Variants in FRRS1 observed in about 807,000 individuals in gnomAD.
The protein encoded by FRRS1 is ferric chelate reductase 1.
In FRRS1, 51 loss-of-function variants were observed where a neutral mutation model predicts 70.7. The ratio of observed to expected loss-of-function variants is 0.72; its 90% CI spans 0.58 to 0.91. The LOEUF (loss-of-function observed/expected upper bound fraction) is 0.91. Ranked by LOEUF, FRRS1 falls within the 40% of genes least tolerant of loss-of-function variation. The pLI is 0.00. For synonymous variants in FRRS1, 225 were observed against 238.7 expected, an observed-to-expected ratio of 0.94 and a Z score of 0.53; for missense variants, 672 against 726.0, an observed-to-expected ratio of 0.93 and a Z score of 0.86.
rs1156251677 is a variant in FRRS1 at position 99,748,698 on chromosome 1, G to A, written c.71C>T (p.Pro24Leu). 5 of 1,613,720 alleles carry A rather than the reference G, an allele frequency of 3.1e-6. No homozygotes were observed. Among genetic ancestry groups the A allele is most frequent in the Non-Finnish European group, 4.2e-6 (5 of 1,179,830 alleles). The change falls in exon 3 of 17, where the codon CCC (proline) becomes CTC (leucine). Residue 24 changes from proline to leucine, a missense_variant. Transcript: ENST00000646001. ...GCATGACTGTGTTACTTTTCCATTG[G>A]GATAATTAGCCACATAACTAATGTG... ...LLHISYVANY[P>L]NGKVTQSCHG...
At chr1:99,719,676 A>C (rs202198660) in intron 9 of FRRS1, 29 bp from the exon 10 acceptor site, 124 of 1,167,278 alleles carry the variant, frequency 1.1e-4, no homozygotes, top group Non-Finnish European at 1.5e-4. Context: ...ATTAAACATG[A>C]CAAAGAATAA....
rs1655181845 is a variant in FRRS1 at position 99,728,575 on chromosome 1, G to A, written c.924C>T (p.Asn308=). 1 of 1,613,388 alleles carries A rather than the reference G, an allele frequency of 6.2e-7. No individual in the cohort carries two copies. Among genetic ancestry groups the A allele is most frequent in the South Asian group, 1.1e-5 (1 of 91,068 alleles). Residue 308 remains asparagine (N), a synonymous_variant, in exon 9 of 17, where the codon AAC becomes AAT. Transcript: ENST00000646001. ...TATTCTTAACTCCAGGAAGGGTAAT[G>A]TTTCTTCTGAAAGAACACTGCATAA... ...DGVMQCSFRR[N]ITLPGVKNRF...
chr1:99,725,009 T>C (rs754520874), intron 9 of FRRS1, among the ~76,000 whole-genome samples: 3 of 152,062 alleles, frequency 2.0e-5, no homozygotes, highest in Non-Finnish European at 2.9e-5. Flanking sequence ...ACCAGATCCA[T>C]GGAACACAAT....
intron 7 of FRRS1, among the ~76,000 whole-genome samples, chr1:99,734,996 ACTT>A (rs1233963338): frequency 6.6e-6 from 1 of 152,332 alleles, no homozygotes; most frequent in Admixed American, 6.5e-5. Context: ...TAATGCGCAT[ACTT>A]GATAGACTTT....
chr1:99,738,365 C>T lies in FRRS1; in HGVS notation c.577-97G>A, dbSNP rs1205187366. 5.2e-6 allele frequency: 4 copies of T among 766,250 alleles called. No individual in the cohort carries two copies. The South Asian group carries it at 6.3e-5, about 12-fold the overall frequency. The allele number at this position is 766,250 out of a possible 1,614,324, so 47.5% of individuals were successfully genotyped here. A position where few individuals can be genotyped will look rare whatever the true frequency, so the allele number is the denominator to read the frequency against. ...AACTACCTTCAAGTACGGGTAGCTC[C>T]CAAATTAATGAGAATACCTTTCCAT... On this transcript the variant is annotated intron_variant, in intron 6 of 16. Coordinates refer to ENST00000646001, the MANE Select transcript of FRRS1 (RefSeq NM_001361041.2).
Position 99,708,795 on chromosome 1 carries a change from C to CT in FRRS1, c.*232dup. On this transcript the variant is annotated 3_prime_UTR_variant, in exon 17 of 17. Coordinates refer to ENST00000646001, the MANE Select transcript of FRRS1 (RefSeq NM_001361041.2). ...AGAGTTACTTCTCCTGAAGTACAAT[C>CT]TTTCCTTTAAGACCCAGAATTACAT... 1 of 699,982 alleles carries CT rather than the reference C, an allele frequency of 1.4e-6. No individual in the cohort carries two copies. The highest frequency in any genetic ancestry group is 2.2e-5 in the South Asian group (1 of 44,614). 43.4% of individuals were successfully genotyped at this position (699,982 alleles called of 1,614,324 possible).
chr1:99,737,726 T>C lies in FRRS1; in HGVS notation c.759+360A>G, dbSNP rs557630516. Among the ~76,000 whole-genome samples the C allele has an allele frequency of 2.6e-5, 4 of 152,258 alleles. No individual in the cohort carries two copies. In the East Asian group the frequency reaches 7.7e-4, roughly 29 times the overall value. On this transcript the variant is annotated intron_variant, in intron 7 of 16. Coordinates refer to ENST00000646001, the MANE Select transcript of FRRS1 (RefSeq NM_001361041.2). ...CAAACAGTTTCAATGATTCTCCTTTTGGTTTTTTGTTTGTTTGTTTTGGGG... is the reference window on the plus strand; with the variant it reads ...CAAACAGTTTCAATGATTCTCCTTTCGGTTTTTTGTTTGTTTGTTTTGGGG...
chr1:99,715,736 C>T (rs758391016), intron 11 of FRRS1, 64 bp from the exon 12 acceptor site: 7 of 1,128,956 alleles, frequency 6.2e-6, no homozygotes, highest in African/African-American at 4.6e-5. Flanking sequence ...GGTGTTGCAA[C>T]GGGGAAAATG....
At chr1:99,732,550 G>A (rs1226362139) in intron 7 of FRRS1, among the ~76,000 whole-genome samples, 2 of 152,064 alleles carry the variant, frequency 1.3e-5, no homozygotes, top group Admixed American at 6.6e-5. Flanking sequence ...GACCTTAGAA[G>A]ATAAAACATA....
rs144327763 is a variant in FRRS1, at chr1:99,728,570, G to T, written c.929C>A (p.Thr310Asn). 1,430 of 1,612,984 alleles carry T rather than the reference G, an allele frequency of 8.9e-4. 5 individuals are homozygous for T. In the African/African-American group the frequency reaches 0.017, roughly 19 times the overall value. The change falls in exon 9 of 17, where the codon ACC becomes AAC. Residue 310 changes from threonine (T) to asparagine (N), a missense_variant. Coordinates refer to ENST00000646001, the MANE Select transcript of FRRS1 (RefSeq NM_001361041.2). ...AAATCTATTCTTAACTCCAGGAAGGGTAATGTTTCTTCTGAAAGAACACTG... is the reference window on the plus strand; with the variant it reads ...AAATCTATTCTTAACTCCAGGAAGGTTAATGTTTCTTCTGAAAGAACACTG... ...VMQCSFRRNI[T>N]LPGVKNRFDL...
chr1:99,736,569 T>G (rs1655667152), intron 7 of FRRS1, among the ~76,000 whole-genome samples: 1 of 135,480 alleles, frequency 7.4e-6, no homozygotes, highest in African/African-American at 3.2e-5. Context: ...AATTGAACAA[T>G]GAGAACACAT....
chr1:99,715,960 T>G (rs900585538), intron 11 of FRRS1, among the ~76,000 whole-genome samples: 1 of 152,198 alleles, frequency 6.6e-6, no homozygotes, highest in African/African-American at 2.4e-5. Flanking sequence ...CAGAGCATAT[T>G]TACTTGCCAA....
At chr1:99,751,978 G>A (rs1247060507) in intron 1 of FRRS1, among the ~76,000 whole-genome samples, 1 of 152,144 alleles carries the variant, frequency 6.6e-6, no homozygotes, top group Non-Finnish European at 1.5e-5. Context: ...TAAATGACAA[G>A]ATATAAGGGA....
At chr1:99,749,901 C>T (rs1045712073) in intron 1 of FRRS1, among the ~76,000 whole-genome samples, 1 of 152,304 alleles carries the variant, frequency 6.6e-6, no homozygotes, top group South Asian at 2.1e-4. Context: ...ATAAAGTTAA[C>T]ACCATGGACA....
intron 3 of FRRS1, chr1:99,747,671 T>C: frequency 2.3e-6 from 1 of 429,478 alleles, no homozygotes; most frequent in Non-Finnish European, 4.2e-6. Flanking sequence ...GAAAAATAGG[T>C]GATGGTCCAG....
At chr1:99,731,428 T>G (rs867188835) in intron 7 of FRRS1, among the ~76,000 whole-genome samples, 3 of 152,354 alleles carry the variant, frequency 2.0e-5, no homozygotes, top group South Asian at 4.1e-4. Flanking sequence ...CTTAGCAAAG[T>G]AATTATGTAC....
intron 1 of FRRS1, among the ~76,000 whole-genome samples, chr1:99,763,260 C>G (rs1463991642): frequency 6.6e-6 from 1 of 151,810 alleles, no homozygotes; most frequent in Non-Finnish European, 1.5e-5. Flanking sequence ...CCCTATTTTT[C>G]CCCTAAATGG....
chr1:99,759,730 G>A lies in FRRS1; in HGVS notation c.-106+6877C>T, dbSNP rs758771369. ...TCAAAGGAAAGGAGACATAGAGAAAGACGAAAAGAAATGAACACTCAGTGA... is the reference window on the plus strand; with the variant it reads ...TCAAAGGAAAGGAGACATAGAGAAAAACGAAAAGAAATGAACACTCAGTGA... On this transcript the variant is annotated intron_variant, in intron 1 of 16. Transcript: ENST00000646001. Among the ~76,000 whole-genome samples the A allele has an allele frequency of 9.6e-4, 146 of 152,176 alleles. 2 individuals carry two copies. The highest frequency in any genetic ancestry group is 1.6e-3 in the Non-Finnish European group (106 of 68,022).
chr1:99,735,579 TC>T (rs1332476667), intron 7 of FRRS1, among the ~76,000 whole-genome samples: 5 of 152,276 alleles, frequency 3.3e-5, no homozygotes, highest in Middle Eastern at 3.4e-3. Flanking sequence ...ATGATTCATT[TC>T]CCCCAAGTTA....
Sources: gnomAD v4.1 joint callset for allele counts (sites outside exome capture counted in the v4.1 genomes callset) on GRCh38, gnomAD v4.1.1 for gene constraint, MANE v1.5 for transcripts, NCBI Gene and HGNC (gene_info 2026-07-23, HGNC 2026-07-21) for gene names.